Variants in NCAM2 observed in about 807,000 individuals in gnomAD.
NCAM2 encodes N-CAM-2.
In NCAM2, 30 loss-of-function variants were observed where a neutral mutation model predicts 98.1. That is an observed-to-expected ratio of 0.31 (90% CI 0.23 to 0.41). The LOEUF is 0.41. Among genes scored for constraint, NCAM2 ranks in the 10% least tolerant of loss-of-function variants. The probability of loss-of-function intolerance (pLI) is 1.00; values close to 1 mark genes in which losing one functional copy is unlikely to be tolerated. For missense variants in NCAM2, 867 were observed against 1,005.8 expected (o/e 0.86, Z 1.87); for synonymous variants, 368 against 342.4 (o/e 1.07, Z -0.83).
chr21:21,348,449 G>C (rs2097613596), intron 8 of NCAM2, among the ~76,000 whole-genome samples: 1 of 151,808 alleles, frequency 6.6e-6, no homozygotes. Flanking sequence ...AAATTTAAGA[G>C]GACATCAAGA....
At chr21:21,356,201 A>T (rs1342469208) in intron 8 of NCAM2, among the ~76,000 whole-genome samples, 1 of 152,184 alleles carries the variant, frequency 6.6e-6, no homozygotes, top group Admixed American at 6.6e-5. Flanking sequence ...AACAATTTAA[A>T]TATCTCACCA....
rs562164929 is a variant in NCAM2 at position 21,085,592 on chromosome 21, G to A, written c.55+86974G>A. ...AATTTTCACCACCATTCTAGCTGTC[G>A]TGGTTGGAGACATGGGGCCCTAGGA... On this transcript the variant is annotated intron_variant, in intron 1 of 17. Coordinates refer to ENST00000400546, the MANE Select transcript of NCAM2 (RefSeq NM_004540.5). Among the ~76,000 whole-genome samples the A allele has an allele frequency of 3.7e-4, 57 of 152,182 alleles. 1 individual carries two copies. The South Asian group carries it at 6.4e-3, about 17-fold the overall frequency.
chr21:21,324,610 C>G, intron 6 of NCAM2, 110 bp downstream of exon 6: 1 of 794,046 alleles, frequency 1.3e-6, no homozygotes, highest in East Asian at 2.5e-5. Context: ...ATTTTAGTTT[C>G]ATTAAAAAAA....
intron 5 of NCAM2, among the ~76,000 whole-genome samples, chr21:21,303,162 T>C (rs73320666): frequency 0.013 from 1,973 of 151,850 alleles, 44 homozygotes; most frequent in African/African-American, 0.045. Context: ...TGCAAACTGC[T>C]TGGGTGTAAT....
At chr21:21,009,883 C>CTGTGTGTGTGTGTGTGTG (rs5842868) in intron 1 of NCAM2, among the ~76,000 whole-genome samples, 10,223 of 139,494 alleles carry the variant, frequency 0.073, 482 homozygotes, top group Non-Finnish European at 0.092. Context: ...CCTCTGATAG[C>CTGTGTGTGTGTGTGTGTG]TGTGTGTGTG....
chr21:21,297,176 T>C (rs1323906665), intron 5 of NCAM2, among the ~76,000 whole-genome samples: 2 of 151,818 alleles, frequency 1.3e-5, no homozygotes, highest in East Asian at 3.9e-4. Context: ...GGAGAATATA[T>C]TTTATATTGA....
intron 7 of NCAM2, among the ~76,000 whole-genome samples, chr21:21,336,140 G>A (rs2147863936): frequency 6.6e-6 from 1 of 151,910 alleles, no homozygotes; most frequent in East Asian, 1.9e-4. Context: ...TATCTTATTT[G>A]GGTAACTTAT....
chr21:21,361,174 C>A (rs546455417), intron 8 of NCAM2, among the ~76,000 whole-genome samples: 4 of 152,150 alleles, frequency 2.6e-5, no homozygotes, highest in African/African-American at 9.6e-5. Context: ...TATATATAAT[C>A]ATACCTCATT....
chr21:21,161,306 T>C (rs1439136896), intron 1 of NCAM2, among the ~76,000 whole-genome samples: 1 of 152,054 alleles, frequency 6.6e-6, no homozygotes, highest in East Asian at 1.9e-4. Context: ...ACAATGTCTG[T>C]AAGGCATTTG....
At chr21:21,173,723 A>G (rs2068193013) in intron 1 of NCAM2, among the ~76,000 whole-genome samples, 1 of 152,154 alleles carries the variant, frequency 6.6e-6, no homozygotes, top group South Asian at 2.1e-4. Flanking sequence ...CATCTTTGGA[A>G]TAACGATTAG....
intron 16 of NCAM2, among the ~76,000 whole-genome samples, chr21:21,523,154 T>C (rs1989127887): frequency 6.6e-6 from 1 of 152,190 alleles, no homozygotes; most frequent in South Asian, 2.1e-4. Flanking sequence ...TTCACTTTAC[T>C]GATGGTTTCC....
At position 21,056,555 on chromosome 21, in the gene NCAM2, G is replaced by A. The variant is rs1468121356; in HGVS notation, c.55+57937G>A. On this transcript the variant is annotated intron_variant, in intron 1 of 17. Coordinates refer to ENST00000400546, the MANE Select transcript of NCAM2 (RefSeq NM_004540.5). ...GAGAGGGGGAGAGAGAGGAGAGAGA[G>A]AGAGAGTGAGAGAGAGAGATAGTGA... Among the ~76,000 whole-genome samples the A allele has an allele frequency of 2.7e-5, 4 of 150,820 alleles. No individual in the cohort carries two copies. In the East Asian group the frequency reaches 5.9e-4, roughly 22 times the overall value.
At chr21:21,315,690 T>A (rs952581914) in intron 5 of NCAM2, among the ~76,000 whole-genome samples, 1 of 152,190 alleles carries the variant, frequency 6.6e-6, no homozygotes, top group Non-Finnish European at 1.5e-5. Flanking sequence ...TGATGACAAC[T>A]TCTGGGTTTT....
chr21:21,156,629 T>C (rs866422902), intron 1 of NCAM2, among the ~76,000 whole-genome samples: 1 of 151,928 alleles, frequency 6.6e-6, no homozygotes, highest in Non-Finnish European at 1.5e-5. Flanking sequence ...ATTGTAGATA[T>C]AGCTTTAGTT....
At chr21:21,166,642 C>G (rs931119461) in intron 1 of NCAM2, among the ~76,000 whole-genome samples, 3 of 152,150 alleles carry the variant, frequency 2.0e-5, no homozygotes, top group Non-Finnish European at 2.9e-5. Flanking sequence ...CAATTCCACT[C>G]AGTCATTAAA....
chr21:21,351,773 G>C (rs2075346615), intron 8 of NCAM2, among the ~76,000 whole-genome samples: 1 of 152,110 alleles, frequency 6.6e-6, no homozygotes, highest in South Asian at 2.1e-4. Flanking sequence ...GTTAGACAGA[G>C]TCTAGCTCTG....
At chr21:21,239,440 A>T (rs1411533870) in intron 1 of NCAM2, 1 of 152,190 alleles carries the variant, frequency 6.6e-6, no homozygotes, top group Admixed American at 6.6e-5. Flanking sequence ...AGCAATGTTC[A>T]TAAAAATTAT....
At chr21:21,431,306 A>T (rs2077338342) in intron 11 of NCAM2, among the ~76,000 whole-genome samples, 1 of 131,298 alleles carries the variant, frequency 7.6e-6, no homozygotes, top group Non-Finnish European at 1.6e-5. Flanking sequence ...AGTTTTCAAA[A>T]ATCCCTCACT....
chr21:21,353,747 A>G (rs977032093), intron 8 of NCAM2, among the ~76,000 whole-genome samples: 2 of 152,094 alleles, frequency 1.3e-5, no homozygotes, highest in Non-Finnish European at 2.9e-5. Flanking sequence ...GGGCCATTAT[A>G]CACCTTTCAC....
Sources: gnomAD v4.1 joint callset for allele counts (sites outside exome capture counted in the v4.1 genomes callset) on GRCh38, gnomAD v4.1.1 for gene constraint, MANE v1.5 for transcripts, NCBI Gene and HGNC (gene_info 2026-07-23, HGNC 2026-07-21) for gene names.